Variants in TNFAIP8 observed in about 807,000 individuals in gnomAD.
TNFAIP8 encodes the protein tumor necrosis factor alpha-induced protein 8.
In TNFAIP8, 7 loss-of-function variants were observed where a neutral mutation model predicts 13.3. The ratio of observed to expected loss-of-function variants is 0.52; its 90% CI spans 0.30 to 0.99. TNFAIP8 has a LOEUF of 0.99. Among genes scored for constraint, TNFAIP8 ranks in the 50% least tolerant of loss-of-function variants. TNFAIP8 has a pLI of 0.07. For missense variants in TNFAIP8, 258 were observed against 236.9 expected (o/e 1.09, Z -0.58); for synonymous variants, 94 against 87.6 (o/e 1.07, Z -0.41).
intron 1 of TNFAIP8, among the ~76,000 whole-genome samples, chr5:119,314,472 T>C (rs1350251114): frequency 6.6e-6 from 1 of 152,222 alleles, no homozygotes; most frequent in Non-Finnish European, 1.5e-5. Context: ...CACGGTGCCC[T>C]GTGGTCTTGT....
At chr5:119,295,851 T>G (rs1749159144) in intron 1 of TNFAIP8, among the ~76,000 whole-genome samples, 1 of 152,054 alleles carries the variant, frequency 6.6e-6, no homozygotes, top group South Asian at 2.1e-4. Context: ...TTCACGTCCC[T>G]TGTAAGTTGG....
At chr5:119,391,128 C>A (rs1752876287) in intron 1 of TNFAIP8, among the ~76,000 whole-genome samples, 1 of 151,984 alleles carries the variant, frequency 6.6e-6, no homozygotes, top group African/African-American at 2.4e-5. Flanking sequence ...GCCACCACAC[C>A]CCGCCTTTCC....
chr5:119,323,342 G>C (rs1750120370), intron 1 of TNFAIP8, among the ~76,000 whole-genome samples: 1 of 152,164 alleles, frequency 6.6e-6, no homozygotes, highest in East Asian at 1.9e-4. Context: ...TGCATTTCTT[G>C]GAGTTTCTCG....
At chr5:119,356,009 G>A, upstream of TNFAIP8, 1 of 1,533,684 alleles carries the variant, frequency 6.5e-7, no homozygotes, top group Non-Finnish European at 8.8e-7. Flanking sequence ...CGTCGTGTGC[G>A]GATTTCGCTG....
Position 119,334,139 on chromosome 5 carries a change from C to CAAAAAA in TNFAIP8, c.2-58667_2-58662dup, listed in dbSNP as rs57346323. On this transcript the variant is annotated intron_variant, in intron 1 of 1. Coordinates refer to the TNFAIP8 transcript ENST00000274456. ...TGCTGTTGCCATTTTCTCTAACAAC[C>CAAAAAA]AAAAAAAAAAAAAAACGGTTTACCT... Among the ~76,000 whole-genome samples, 175 of 104,428 alleles carry CAAAAAA rather than the reference C, an allele frequency of 1.7e-3. 4 individuals are homozygous for CAAAAAA. Among genetic ancestry groups the CAAAAAA allele is most frequent in the African/African-American group, 5.0e-3 (157 of 31,176 alleles). The allele number at this position is 104,428 out of a possible 152,430, so 68.5% of individuals were successfully genotyped here.
chr5:119,382,786 A>G (rs1408946874), intron 1 of TNFAIP8, among the ~76,000 whole-genome samples: 1 of 152,220 alleles, frequency 6.6e-6, no homozygotes, highest in Admixed American at 6.5e-5. Flanking sequence ...GGTGCTTGCA[A>G]TTACCATAAT....
At position 119,393,257 on chromosome 5, in the gene TNFAIP8, T is replaced by C. The variant is rs759280733; in HGVS notation, c.473T>C (p.Val158Ala). 1 of 1,614,018 alleles carries C rather than the reference T, an allele frequency of 6.2e-7. No individual in the cohort carries two copies. Among genetic ancestry groups the C allele is most frequent in the Non-Finnish European group, 8.5e-7 (1 of 1,179,890 alleles). The change falls in exon 2 of 2, where the codon GTG (valine) becomes GCG (alanine). Residue 158 changes from valine (V) to alanine (A), a missense_variant. Coordinates refer to ENST00000504771, the MANE Select transcript of TNFAIP8 (RefSeq NM_014350.4). ...AAGTCACATGGACGGGTTAATAATG[T>C]GTTTGATCATTTTTCAGATTGTGAA... is the stretch of plus-strand genomic sequence containing the variant. ...TAKSHGRVNNVFDHFSDCEFL... is the reference protein window; with the variant it reads ...TAKSHGRVNNAFDHFSDCEFL...
upstream of TNFAIP8, chr5:119,355,478 C>T (rs1751355065): frequency 1.6e-6 from 1 of 634,040 alleles, no homozygotes; most frequent in South Asian, 1.7e-5. Context: ...GTCCTTGCAA[C>T]CCCATGGACG....
chr5:119,351,662 T>C (rs554037557), upstream of TNFAIP8, among the ~76,000 whole-genome samples: 44 of 152,356 alleles, frequency 2.9e-4, no homozygotes, highest in African/African-American at 9.9e-4. Context: ...TTAAGGCTAC[T>C]TGAGGCACAG....
At chr5:119,309,333 T>C (rs1749660596) in intron 1 of TNFAIP8, among the ~76,000 whole-genome samples, 1 of 152,210 alleles carries the variant, frequency 6.6e-6, no homozygotes. Flanking sequence ...TTTTTAGTTT[T>C]TATTTGTTAA....
chr5:119,300,833 G>A (rs954759994), intron 1 of TNFAIP8, among the ~76,000 whole-genome samples: 1 of 152,170 alleles, frequency 6.6e-6, no homozygotes, highest in Non-Finnish European at 1.5e-5. Context: ...TAACCTATGT[G>A]TTATGCTTTC....
intron 1 of TNFAIP8, among the ~76,000 whole-genome samples, chr5:119,291,972 G>T (rs1456090537): frequency 1.3e-5 from 2 of 152,152 alleles, no homozygotes; most frequent in Non-Finnish European, 2.9e-5. Flanking sequence ...TGAAGTGATG[G>T]CAAATGCATT....
At chr5:119,294,241 C>G (rs1023566488) in intron 1 of TNFAIP8, among the ~76,000 whole-genome samples, 1 of 149,856 alleles carries the variant, frequency 6.7e-6, no homozygotes, top group African/African-American at 2.5e-5. Flanking sequence ...GTTCCCCTTC[C>G]CGTGTCCATG....
chr5:119,387,958 A>G (rs1752743287), intron 1 of TNFAIP8, among the ~76,000 whole-genome samples: 1 of 152,226 alleles, frequency 6.6e-6, no homozygotes, highest in Non-Finnish European at 1.5e-5. Context: ...ATTGATCTTA[A>G]GAGGCAAAAA....
At chr5:119,383,139 A>G (rs1752549342) in intron 1 of TNFAIP8, among the ~76,000 whole-genome samples, 1 of 152,216 alleles carries the variant, frequency 6.6e-6, no homozygotes, top group African/African-American at 2.4e-5. Context: ...TGAAGAATTA[A>G]GGTTTTGTTT....
At chr5:119,377,104 T>TA (rs1752312403) in intron 1 of TNFAIP8, among the ~76,000 whole-genome samples, 1 of 152,128 alleles carries the variant, frequency 6.6e-6, no homozygotes, top group African/African-American at 2.4e-5. Context: ...CTTAATAAAA[T>TA]AAAAGTGTAT....
intron 1 of TNFAIP8, among the ~76,000 whole-genome samples, chr5:119,342,976 C>T (rs1375302304): frequency 6.6e-6 from 1 of 152,216 alleles, no homozygotes; most frequent in Non-Finnish European, 1.5e-5. Flanking sequence ...TAGTTCTTAA[C>T]TTAAAGGAAA....
At chr5:119,312,745 C>CAAAA (rs869226026) in intron 1 of TNFAIP8, among the ~76,000 whole-genome samples, 38 of 43,342 alleles carry the variant, frequency 8.8e-4, no homozygotes, top group African/African-American at 1.2e-3. Flanking sequence ...GCAAAAAATA[C>CAAAA]AAAAAAAAAA....
chr5:119,285,603 T>C (rs1283706649), intron 1 of TNFAIP8, among the ~76,000 whole-genome samples: 1 of 152,240 alleles, frequency 6.6e-6, no homozygotes, highest in East Asian at 1.9e-4. Flanking sequence ...TAAGTGACTG[T>C]TAACTATACT....
Sources: gnomAD v4.1 joint callset for allele counts (sites outside exome capture counted in the v4.1 genomes callset) on GRCh38, gnomAD v4.1.1 for gene constraint, MANE v1.5 for transcripts, NCBI Gene and HGNC (gene_info 2026-07-23, HGNC 2026-07-21) for gene names.